ATM: variants seen among roughly 807,000 people sequenced by gnomAD.
ATM encodes ATM serine/threonine kinase.
ATM carries 308 observed loss-of-function variants against 387.0 expected under a neutral mutation model. That is an observed-to-expected ratio of 0.80 (90% CI 0.73 to 0.87). The LOEUF (loss-of-function observed/expected upper bound fraction) is 0.87, where lower values mean the gene tolerates loss of function less well. ATM is among the 40% of genes least tolerant of loss of function. The pLI is 0.00. For missense variants in ATM, 3,312 were observed against 3,560.9 expected, an observed-to-expected ratio of 0.93 and a Z score of 1.78; for synonymous variants, 1,156 against 1,187.3, an observed-to-expected ratio of 0.97 and a Z score of 0.54.
At chr11:108,327,813 C>T (rs2085836946) in intron 48 of ATM, 55 bp downstream of exon 48, 2 of 1,260,894 alleles carry the variant, frequency 1.6e-6, no homozygotes, top group African/African-American at 3.0e-5. Context: ...TATGCTTCAT[C>T]TTTTCATCAA....
intron 56 of ATM, 75 bp from the exon 57 acceptor site, chr11:108,343,145 ACT>A: frequency 1.3e-6 from 2 of 1,579,282 alleles, no homozygotes; most frequent in Non-Finnish European, 1.7e-6. Context: ...CTTTGCACTG[ACT>A]CTGATAGCTG....
At chr11:108,356,936 G>A (rs1451637455) in intron 61 of ATM, among the ~76,000 whole-genome samples, 1 of 152,194 alleles carries the variant, frequency 6.6e-6, no homozygotes, top group African/African-American at 2.4e-5. Flanking sequence ...CCTCCGGGAG[G>A]AGGAGCCAAG....
At chr11:108,269,487 T>C (rs2081454345) in intron 18 of ATM, among the ~76,000 whole-genome samples, 1 of 152,216 alleles carries the variant, frequency 6.6e-6, no homozygotes. Context: ...TCTGTCCAAA[T>C]TTATAAATTG....
At chr11:108,263,156 C>G (rs2081011136) in intron 16 of ATM, among the ~76,000 whole-genome samples, 1 of 148,098 alleles carries the variant, frequency 6.8e-6, no homozygotes, top group Non-Finnish European at 1.5e-5. Context: ...CTACAGAACT[C>G]TCCACCCCAA....
intron 26 of ATM, among the ~76,000 whole-genome samples, chr11:108,285,406 G>A (rs2082442343): frequency 6.6e-6 from 1 of 151,468 alleles, no homozygotes; most frequent in African/African-American, 2.4e-5. Flanking sequence ...AGTAAGGAAG[G>A]ATTTAAAAAG....
intron 49 of ATM, 114 bp downstream of exon 49, chr11:108,329,352 G>T: frequency 1.0e-6 from 1 of 1,003,516 alleles, no homozygotes; most frequent in Non-Finnish European, 1.5e-6. Flanking sequence ...AGCTCTAAAG[G>T]TCGGCTTAAC....
intron 55 of ATM, chr11:108,335,428 G>A (rs1403536164): frequency 1.7e-6 from 1 of 585,592 alleles, no homozygotes; most frequent in African/African-American, 1.9e-5. Flanking sequence ...AATAGTGCAA[G>A]TTGACGTCCT....
intron 22 of ATM, among the ~76,000 whole-genome samples, chr11:108,275,553 C>T (rs1222223064): frequency 1.3e-5 from 2 of 152,212 alleles, no homozygotes; most frequent in South Asian, 2.1e-4. Context: ...GTAAGGCAGG[C>T]CTGGTGGTGA....
chr11:108,249,213 T>A, intron 9 of ATM, 111 bp downstream of exon 9: 1 of 1,262,868 alleles, frequency 7.9e-7, no homozygotes, highest in Non-Finnish European at 1.1e-6. Context: ...GTCATTTGTC[T>A]ACCCCCAAAC....
intron 17 of ATM, among the ~76,000 whole-genome samples, chr11:108,267,826 C>T (rs1366121906): frequency 6.6e-6 from 1 of 152,212 alleles, no homozygotes; most frequent in Admixed American, 6.5e-5. Flanking sequence ...CCACTGCATT[C>T]CAGCCTGGGC....
chr11:108,266,386 G>GA (rs1014172910), intron 16 of ATM, among the ~76,000 whole-genome samples: 9 of 150,710 alleles, frequency 6.0e-5, no homozygotes, highest in African/African-American at 1.5e-4. Context: ...GTCGCAAGAA[G>GA]AAAAAACCAA....
Position 108,326,218 on chromosome 11 carries a change from G to T in ATM, c.6968G>T (p.Cys2323Phe), listed in dbSNP as rs876660924. The T allele has an allele frequency of 6.2e-7, 1 of 1,614,036 alleles. No homozygotes were observed. Among genetic ancestry groups the T allele is most frequent in the South Asian group, 1.1e-5 (1 of 91,078 alleles). The change falls in exon 47 of 63, where the codon TGT (cysteine) becomes TTT (phenylalanine). Residue 2323 changes from cysteine to phenylalanine, a missense_variant. By Grantham distance (205) the Cys-to-Phe change is radical. Transcript: ENST00000675843. ...KQMIKKLDASCAANNPSLKLT... is the reference protein window; with the variant it reads ...KQMIKKLDASFAANNPSLKLT... ...ATGATCAAGAAGTTGGATGCCAGCT[G>T]TGCAGCGGTTTGTTTTTTTTATTGG...
chr11:108,334,476 G>T (rs927734981), intron 54 of ATM, among the ~76,000 whole-genome samples: 1 of 152,132 alleles, frequency 6.6e-6, no homozygotes, highest in Non-Finnish European at 1.5e-5. Context: ...AATTTCATGT[G>T]GGCAGGGATA....
chr11:108,344,660 A>T (rs1369755618), intron 57 of ATM, among the ~76,000 whole-genome samples: 2 of 152,042 alleles, frequency 1.3e-5, no homozygotes, highest in Non-Finnish European at 2.9e-5. Context: ...GTGGGTAGAG[A>T]TGAGAAATAT....
At chr11:108,343,945 A>G (rs1057230466) in intron 57 of ATM, among the ~76,000 whole-genome samples, 4 of 152,202 alleles carry the variant, frequency 2.6e-5, no homozygotes, top group Non-Finnish European at 5.9e-5. Context: ...TCTGTCTACC[A>G]GGTACTGTGC....
chr11:108,238,586 T>TA (rs1226715717), intron 5 of ATM, among the ~76,000 whole-genome samples: 1 of 152,202 alleles, frequency 6.6e-6, no homozygotes, highest in African/African-American at 2.4e-5. Flanking sequence ...ACAAAAATTA[T>TA]ACAGAAGTCC....
At position 108,317,448 on chromosome 11, in the gene ATM, T is replaced by G. The variant is rs1555114711; in HGVS notation, c.6274T>G (p.Cys2092Gly). 6.2e-7 allele frequency: 1 copy of G among 1,612,648 alleles called. No homozygotes were observed. The highest frequency in any genetic ancestry group is 8.5e-7 in the Non-Finnish European group (1 of 1,179,442). ...KGLDYENKDW[C>G]PELEELHYQA... The stretch of plus-strand genomic sequence containing the variant: ...ATTGGATTATGAAAATAAAGACTGG[T>G]GTCCTGAACTAGAAGAACTTCATTA... Residue 2092 changes from cysteine (C) to glycine (G), a missense_variant, in exon 43 of 63, where the codon TGT becomes GGT. Physicochemically the swap from Cys to Gly is radical, Grantham distance 159 (BLOSUM62 -3). This residue lies in a region of ATM where 1,405 missense variants were observed against 1,604.4 expected (regional missense o/e 0.88). Transcript: ENST00000675843.
At chr11:108,303,069 G>T in intron 36 of ATM, 40 bp downstream of exon 36, 1 of 1,559,708 alleles carries the variant, frequency 6.4e-7, no homozygotes, top group South Asian at 1.1e-5. Flanking sequence ...CCTTGTTTAT[G>T]ACCTGTTTAT....
At chr11:108,304,577 A>G (rs1284653528) in intron 36 of ATM, 98 bp from the exon 37 acceptor site, 16 of 1,204,638 alleles carry the variant, frequency 1.3e-5, no homozygotes, top group Non-Finnish European at 1.7e-5. Flanking sequence ...TCTTTTAGAA[A>G]TTTAATATGT....
Sources: allele counts gnomAD v4.1 joint callset (sites outside exome capture counted in the v4.1 genomes callset), GRCh38; gene constraint gnomAD v4.1.1; regional missense constraint gnomAD v4.1.1; transcripts MANE v1.5; gene names NCBI Gene and HGNC (gene_info 2026-07-23, HGNC 2026-07-21).